GRM7: variants seen among roughly 807,000 people sequenced by gnomAD.
The protein encoded by GRM7 is metabotropic glutamate receptor 7.
GRM7 carries 35 observed loss-of-function variants against 84.5 expected under a neutral mutation model. That is an observed-to-expected ratio of 0.41 (90% CI 0.32 to 0.55). The LOEUF (loss-of-function observed/expected upper bound fraction) is 0.55. GRM7 is among the 20% of genes least tolerant of loss of function. The probability of loss-of-function intolerance (pLI) is 0.19; values close to 1 mark genes in which losing one functional copy is unlikely to be tolerated. For missense variants in GRM7, 1,003 were observed against 1,194.6 expected (o/e 0.84, Z 2.36); for synonymous variants, 487 against 455.1 (o/e 1.07, Z -0.89).
chr3:6,964,723 C>T (rs1037467891), intron 1 of GRM7, among the ~76,000 whole-genome samples: 5 of 152,126 alleles, frequency 3.3e-5, no homozygotes, highest in Admixed American at 6.5e-5. Flanking sequence ...GATGACCATC[C>T]ATTTTGACAT....
At chr3:7,520,512 T>TAA (rs3065597) in intron 7 of GRM7, among the ~76,000 whole-genome samples, 13 of 148,932 alleles carry the variant, frequency 8.7e-5, no homozygotes, top group African/African-American at 3.0e-4. Flanking sequence ...CTGAAAAAAA[T>TAA]AAAAAAAAAA....
intron 1 of GRM7, among the ~76,000 whole-genome samples, chr3:7,071,159 T>A (rs1446938391): frequency 1.3e-5 from 2 of 152,050 alleles, no homozygotes. Context: ...TTCTTCTGTT[T>A]GATTCTTACC....
chr3:7,167,842 A>G (rs561780640), intron 2 of GRM7, among the ~76,000 whole-genome samples: 28 of 151,900 alleles, frequency 1.8e-4, no homozygotes, highest in Middle Eastern at 6.8e-3. Context: ...GGTGGCAGGC[A>G]CCTGTAGTCC....
chr3:7,732,033 G>A (rs1237350644), intron 9 of GRM7, among the ~76,000 whole-genome samples: 1 of 151,492 alleles, frequency 6.6e-6, no homozygotes, highest in Non-Finnish European at 1.5e-5. Context: ...TGGTATGGCC[G>A]GCCTCGTGTC....
At chr3:7,174,018 A>C (rs772872532) in intron 2 of GRM7, among the ~76,000 whole-genome samples, 1 of 152,194 alleles carries the variant, frequency 6.6e-6, no homozygotes, top group African/African-American at 2.4e-5. Flanking sequence ...GAATGCCCAC[A>C]GTAAGAGAGA....
intron 7 of GRM7, among the ~76,000 whole-genome samples, chr3:7,532,803 CAAAA>C (rs36040168): frequency 1.4e-5 from 1 of 70,632 alleles, no homozygotes; most frequent in African/African-American, 6.1e-5. Context: ...AAAGGGAAAG[CAAAA>C]AAAAAAAAAA....
intron 1 of GRM7, among the ~76,000 whole-genome samples, chr3:7,122,898 G>C (rs1693272058): frequency 6.6e-6 from 1 of 150,508 alleles, no homozygotes; most frequent in Non-Finnish European, 1.5e-5. Context: ...GTGGGGAGGG[G>C]AATCCATTTA....
intron 7 of GRM7, among the ~76,000 whole-genome samples, chr3:7,522,599 A>T (rs1700638773): frequency 6.6e-6 from 1 of 152,168 alleles, no homozygotes; most frequent in African/African-American, 2.4e-5. Flanking sequence ...TGATGTAGGT[A>T]TATCTGTGTC....
chr3:7,273,221 G>A (rs1045695752), intron 2 of GRM7, among the ~76,000 whole-genome samples: 6 of 25,006 alleles, frequency 2.4e-4, no homozygotes, highest in East Asian at 1.2e-3. Flanking sequence ...GACAGACATT[G>A]TATGATTTCT....
chr3:7,421,528 CAA>C (rs1696391786), intron 5 of GRM7, among the ~76,000 whole-genome samples: 1 of 152,068 alleles, frequency 6.6e-6, no homozygotes, highest in African/African-American at 2.4e-5. Context: ...ACCTTAGTTA[CAA>C]AGAGATTTTT....
intron 1 of GRM7, among the ~76,000 whole-genome samples, chr3:7,127,814 C>T (rs1463089097): frequency 6.6e-6 from 1 of 151,924 alleles, no homozygotes; most frequent in Non-Finnish European, 1.5e-5. Flanking sequence ...TAGCCTAACC[C>T]CAATGATCGA....
chr3:6,992,896 C>A (rs896134924), intron 1 of GRM7, among the ~76,000 whole-genome samples: 2 of 152,146 alleles, frequency 1.3e-5, no homozygotes, highest in African/African-American at 2.4e-5. Context: ...AATGCAGCAC[C>A]CTGTGACACA....
At chr3:6,889,199 T>A in intron 1 of GRM7, among the ~76,000 whole-genome samples, 1 of 152,126 alleles carries the variant, frequency 6.6e-6, no homozygotes, top group Non-Finnish European at 1.5e-5. Flanking sequence ...TGACTTCCTC[T>A]TTTCCTAATT....
chr3:7,445,296 G>A (rs747869785), intron 5 of GRM7, among the ~76,000 whole-genome samples: 1 of 152,158 alleles, frequency 6.6e-6, no homozygotes, highest in Non-Finnish European at 1.5e-5. Flanking sequence ...TGTGTGGATA[G>A]GGAAGAAACC....
intron 7 of GRM7, among the ~76,000 whole-genome samples, chr3:7,523,912 T>C (rs1700693216): frequency 6.6e-6 from 1 of 152,092 alleles, no homozygotes; most frequent in Non-Finnish European, 1.5e-5. Context: ...GTATGGGTAG[T>C]CTCTCAACAT....
At chr3:6,940,256 T>A (rs1327011705) in intron 1 of GRM7, among the ~76,000 whole-genome samples, 2 of 152,178 alleles carry the variant, frequency 1.3e-5, no homozygotes, top group East Asian at 3.9e-4. Context: ...CATGCCCAGC[T>A]AATTTTTATA....
intron 9 of GRM7, among the ~76,000 whole-genome samples, chr3:7,714,112 G>T (rs1701691599): frequency 6.6e-6 from 1 of 152,086 alleles, no homozygotes; most frequent in African/African-American, 2.4e-5. Flanking sequence ...GTTATCTAGT[G>T]AAAGAAACTG....
chr3:6,932,686 A>G (rs1354386153), intron 1 of GRM7, among the ~76,000 whole-genome samples: 1 of 151,288 alleles, frequency 6.6e-6, no homozygotes, highest in Non-Finnish European at 1.5e-5. Flanking sequence ...TTCCAGTTGA[A>G]GTTTTTTAGA....
At chr3:7,285,617 C>A (rs1419024186) in intron 2 of GRM7, among the ~76,000 whole-genome samples, 1 of 152,088 alleles carries the variant, frequency 6.6e-6, no homozygotes, top group Non-Finnish European at 1.5e-5. Flanking sequence ...AGACTCTCAA[C>A]ATCCATAGAA....
Sources: gnomAD v4.1 joint callset for allele counts (sites outside exome capture counted in the v4.1 genomes callset) on GRCh38, gnomAD v4.1.1 for gene constraint, MANE v1.5 for transcripts, NCBI Gene and HGNC (gene_info 2026-07-23, HGNC 2026-07-21) for gene names.